PPEF1: variants seen among roughly 807,000 people sequenced by gnomAD.
PPEF1 encodes the protein serine/threonine-protein phosphatase with EF-hands 1.
Under a neutral mutation model 53.3 loss-of-function variants are expected in PPEF1, and 12 were observed. The observed-to-expected ratio is 0.23, with a 90% CI of 0.14 to 0.36. The LOEUF (loss-of-function observed/expected upper bound fraction) is 0.36, where lower values mean the gene tolerates loss of function less well. Ranked by LOEUF, PPEF1 falls within the 10% of genes least tolerant of loss-of-function variation. The pLI, the probability that PPEF1 is intolerant of heterozygous loss-of-function variation, is 1.00. For synonymous variants in PPEF1, 165 were observed against 176.7 expected (o/e 0.93, Z 0.52); for missense variants, 334 against 490.4 (o/e 0.68, Z 3.01).
At chrX:18,734,577 C>T (rs909075190) in intron 3 of PPEF1, among the ~76,000 whole-genome samples, 20 of 110,777 alleles carry the variant, frequency 1.8e-4, no homozygotes, top group Admixed American at 1.4e-3. Context: ...TGAATAGTGC[C>T]GCAATAAACA....
chrX:18,758,625 C>T (rs1175632877), intron 5 of PPEF1, among the ~76,000 whole-genome samples: 1 of 111,249 alleles, frequency 9.0e-6, no homozygotes, highest in Non-Finnish European at 1.9e-5. Context: ...TCAGGCATCA[C>T]GTCTCTGACT....
intron 13 of PPEF1, among the ~76,000 whole-genome samples, chrX:18,819,746 C>A (rs1187614177): frequency 9.0e-6 from 1 of 111,473 alleles, no homozygotes; most frequent in Non-Finnish European, 1.9e-5. Context: ...TGAACATACA[C>A]CTACTCAGAG....
chrX:18,740,475 T>A (rs1203075995), intron 3 of PPEF1, among the ~76,000 whole-genome samples: 1 of 108,013 alleles, frequency 9.3e-6, no homozygotes, highest in Non-Finnish European at 1.9e-5. Flanking sequence ...AGTGGCACGG[T>A]CTCGGCTCAC....
intron 12 of PPEF1, among the ~76,000 whole-genome samples, chrX:18,811,012 G>A (rs1021577563): frequency 2.7e-5 from 3 of 112,147 alleles, no homozygotes; most frequent in Non-Finnish European, 5.6e-5. Flanking sequence ...AGGATTCCAG[G>A]TTTTCTACAT....
chrX:18,757,503 G>A, intron 4 of PPEF1, 124 bp from the exon 5 acceptor site: 1 of 498,642 alleles, frequency 2.0e-6, no homozygotes, highest in Non-Finnish European at 3.5e-6. Context: ...CAGAATAATT[G>A]AAAGGTTATC....
At chrX:18,719,481 G>A (rs2044533845) in intron 1 of PPEF1, among the ~76,000 whole-genome samples, 1 of 109,852 alleles carries the variant, frequency 9.1e-6, no homozygotes, top group South Asian at 4.0e-4. Flanking sequence ...CAAGTAGCTG[G>A]GACTACAGGT....
intron 3 of PPEF1, among the ~76,000 whole-genome samples, chrX:18,690,206 A>C (rs765370905): frequency 9.0e-6 from 1 of 111,348 alleles, no homozygotes; most frequent in African/African-American, 3.3e-5. Flanking sequence ...TATTTATTTA[A>C]TGAATATATG....
At chrX:18,685,817 A>G (rs989964956) in intron 2 of PPEF1, among the ~76,000 whole-genome samples, 1 of 111,498 alleles carries the variant, frequency 9.0e-6, no homozygotes. Flanking sequence ...TTCTGGGCTC[A>G]GCGTTCTTCT....
At chrX:18,814,260 T>C (rs773687293) in intron 12 of PPEF1, among the ~76,000 whole-genome samples, 6 of 112,013 alleles carry the variant, frequency 5.4e-5, no homozygotes, top group Non-Finnish European at 1.1e-4. Flanking sequence ...ACACCTAGGT[T>C]GATTCCGTGT....
intron 12 of PPEF1, among the ~76,000 whole-genome samples, chrX:18,812,556 T>C (rs1330928873): frequency 4.5e-5 from 5 of 111,926 alleles, no homozygotes; most frequent in African/African-American, 1.6e-4. Flanking sequence ...ATGTTGAGTC[T>C]GTAGATCAAT....
chrX:18,821,557 T>C (rs1273327840), intron 13 of PPEF1, among the ~76,000 whole-genome samples: 1 of 110,220 alleles, frequency 9.1e-6, no homozygotes, highest in Non-Finnish European at 1.9e-5. Context: ...TACAGGCATA[T>C]GCCACCACGC....
intron 12 of PPEF1, among the ~76,000 whole-genome samples, chrX:18,809,790 A>G (rs1300624630): frequency 9.0e-6 from 1 of 111,553 alleles, no homozygotes; most frequent in Non-Finnish European, 1.9e-5. Context: ...TCCAACATAA[A>G]AAAGAAATCC....
chrX:18,823,141 C>T (rs1569274129), intron 13 of PPEF1, among the ~76,000 whole-genome samples: 1 of 110,958 alleles, frequency 9.0e-6, no homozygotes, highest in African/African-American at 3.3e-5. Context: ...GCAAAGGAGT[C>T]TTTTCAATAA....
At chrX:18,758,063 T>A (rs1301648551) in intron 5 of PPEF1, among the ~76,000 whole-genome samples, 1 of 111,417 alleles carries the variant, frequency 9.0e-6, no homozygotes, top group Non-Finnish European at 1.9e-5. Flanking sequence ...CGTTGCTTTT[T>A]CTAGGTGGGC....
chrX:18,700,211 T>G (rs186397835), intron 5 of PPEF1: 28 of 107,217 alleles, frequency 2.6e-4, no homozygotes, highest in African/African-American at 8.9e-4. Context: ...TGTTTATTTA[T>G]TTAAGCAAGA....
At chrX:18,707,888 CTCT>C in intron 1 of PPEF1, 62 bp downstream of exon 1, 2 of 1,038,027 alleles carry the variant, frequency 1.9e-6, no homozygotes, top group East Asian at 6.1e-5. Context: ...TGCCCTCACC[CTCT>C]TCTCCTTTCT....
intron 6 of PPEF1, among the ~76,000 whole-genome samples, chrX:18,772,195 C>T (rs750064043): frequency 1.1e-4 from 12 of 111,016 alleles, no homozygotes; most frequent in African/African-American, 2.9e-4. Context: ...CTACTCAACT[C>T]ATTAAGTGGA....
intron 10 of PPEF1, among the ~76,000 whole-genome samples, chrX:18,791,184 TTTC>T (rs758944516): frequency 1.1e-4 from 12 of 111,705 alleles, no homozygotes; most frequent in Non-Finnish European, 2.1e-4. Flanking sequence ...GTTCTCCAAC[TTTC>T]TTCTTCTTTT....
intron 10 of PPEF1, among the ~76,000 whole-genome samples, chrX:18,801,758 C>T (rs2046549976): frequency 9.1e-6 from 1 of 110,394 alleles, no homozygotes; most frequent in Non-Finnish European, 1.9e-5. Flanking sequence ...CGAGGTGGGT[C>T]GATCACCTGA....
Sources: allele counts gnomAD v4.1 joint callset (sites outside exome capture counted in the v4.1 genomes callset), GRCh38; gene constraint gnomAD v4.1.1; transcripts MANE v1.5; gene names NCBI Gene and HGNC (gene_info 2026-07-23, HGNC 2026-07-21).